Variants in VPS13B observed in about 807,000 individuals in gnomAD.
VPS13B encodes intermembrane lipid transfer protein VPS13B.
In VPS13B, 285 loss-of-function variants were observed where a neutral mutation model predicts 426.4. The observed-to-expected ratio is 0.67, with a 90% CI of 0.61 to 0.74. The LOEUF (loss-of-function observed/expected upper bound fraction) is 0.74. Ranked by LOEUF, VPS13B falls within the 30% of genes least tolerant of loss-of-function variation. The probability of loss-of-function intolerance (pLI) is 0.00; values close to 1 mark genes in which losing one functional copy is unlikely to be tolerated. For missense variants in VPS13B, 4,537 were observed against 4,782.6 expected (o/e 0.95, Z 1.51); for synonymous variants, 1,676 against 1,676.4 (o/e 1.00, Z 0.01).
chr8:99,642,760 T>A (rs1829423316), intron 34 of VPS13B, among the ~76,000 whole-genome samples: 1 of 152,246 alleles, frequency 6.6e-6, no homozygotes, highest in Non-Finnish European at 1.5e-5. Context: ...CTTTCTTGAC[T>A]ATAGAGATGC....
chr8:99,876,070 ATC>A lies in VPS13B; in HGVS notation c.*408_*409del, dbSNP rs1378028864. 1 of 215,820 alleles carries A rather than the reference ATC, an allele frequency of 4.6e-6. No individual in the cohort carries two copies. Among genetic ancestry groups the A allele is most frequent in the Non-Finnish European group, 9.1e-6 (1 of 110,086 alleles). 13.4% of individuals were successfully genotyped at this position (215,820 alleles called of 1,614,324 possible). A position where few individuals can be genotyped will look rare whatever the true frequency, so the allele number is the denominator to read the frequency against. On this transcript the variant is annotated 3_prime_UTR_variant, in exon 62 of 62. Coordinates refer to ENST00000357162, the MANE Select transcript of VPS13B (RefSeq NM_152564.5). Reference sequence around the variant, plus strand: ...TTTTTGCTCTATGACACTTGCAAAAATCTCTACTGTAATTAATTTGGGTCTAT... The same window carrying A: ...TTTTTGCTCTATGACACTTGCAAAAATCTACTGTAATTAATTTGGGTCTAT...
intron 30 of VPS13B, among the ~76,000 whole-genome samples, chr8:99,547,615 A>C (rs2133745328): frequency 6.6e-6 from 1 of 152,210 alleles, no homozygotes; most frequent in East Asian, 1.9e-4. Context: ...TCAATTTAAA[A>C]AGGAAAACAT....
At chr8:99,148,417 T>C (rs1810867597) in intron 14 of VPS13B, among the ~76,000 whole-genome samples, 1 of 151,456 alleles carries the variant, frequency 6.6e-6, no homozygotes, top group Non-Finnish European at 1.5e-5. Flanking sequence ...TTATCCATGA[T>C]GAAGTAAAAG....
intron 19 of VPS13B, among the ~76,000 whole-genome samples, chr8:99,362,301 C>T (rs1372336974): frequency 6.6e-6 from 1 of 152,002 alleles, no homozygotes; most frequent in Non-Finnish European, 1.5e-5. Context: ...GCCACCACAC[C>T]TGCTAATTTT....
intron 2 of VPS13B, among the ~76,000 whole-genome samples, chr8:99,032,932 A>C (rs1460574261): frequency 6.6e-6 from 1 of 152,104 alleles, no homozygotes; most frequent in Non-Finnish European, 1.5e-5. Flanking sequence ...TATTCCATTA[A>C]AATAGAGAAC....
chr8:99,623,994 C>CATACATATATATATATATATATAT (rs1554877591), intron 33 of VPS13B, among the ~76,000 whole-genome samples: 17 of 53,944 alleles, frequency 3.2e-4, no homozygotes, highest in Admixed American at 1.0e-3. Context: ...ATGAAACATA[C>CATACATATATATATATATATATAT]ATATATATAT....
At chr8:99,238,206 G>A (rs1816740085) in intron 17 of VPS13B, among the ~76,000 whole-genome samples, 1 of 151,854 alleles carries the variant, frequency 6.6e-6, no homozygotes, top group Admixed American at 6.6e-5. Context: ...TATATTAATT[G>A]TACACTTCTC....
intron 25 of VPS13B, among the ~76,000 whole-genome samples, chr8:99,490,500 G>A (rs1462026977): frequency 6.6e-6 from 1 of 152,128 alleles, no homozygotes; most frequent in Non-Finnish European, 1.5e-5. Flanking sequence ...TTGTACCTCT[G>A]GTAGAATTCG....
chr8:99,568,295 TA>T (rs11296691), intron 31 of VPS13B, among the ~76,000 whole-genome samples: 24,203 of 148,396 alleles, frequency 0.16, 2,388 homozygotes, highest in East Asian at 0.4. Context: ...TTATTATTAT[TA>T]TTATTTTTTT....
At chr8:99,724,877 T>G (rs1833274481) in intron 39 of VPS13B, among the ~76,000 whole-genome samples, 1 of 152,194 alleles carries the variant, frequency 6.6e-6, no homozygotes, top group South Asian at 2.1e-4. Flanking sequence ...AGACTGACCT[T>G]GAGAGCCCGG....
chr8:99,763,151 A>AAAAAAAAAAAAAAAAAAAG (rs1811029359), intron 39 of VPS13B, among the ~76,000 whole-genome samples: 1 of 150,222 alleles, frequency 6.7e-6, no homozygotes, highest in African/African-American at 2.5e-5. Flanking sequence ...AAAAAAAAAA[A>AAAAAAAAAAAAAAAAAAAG]AAAAAAAAAA....
At position 99,055,033 on chromosome 8, in the gene VPS13B, G is replaced by GT. The variant is rs775826222; in HGVS notation, c.291+16477dup. On this transcript the variant is annotated intron_variant, in intron 3 of 61. Coordinates refer to ENST00000357162, the MANE Select transcript of VPS13B (RefSeq NM_152564.5). ...AATAAGCTTCCTATTTTGTATTTCTGTTTTTTTTTTGTTTTTTTTTTTGTT... is the reference window on the plus strand; with the variant it reads ...AATAAGCTTCCTATTTTGTATTTCTGTTTTTTTTTTTGTTTTTTTTTTTGTT... 2.9e-3 allele frequency among the ~76,000 whole-genome samples: 317 copies of GT among 109,298 alleles called. 2 individuals are homozygous for GT. The highest frequency in any genetic ancestry group is 6.8e-3 in the South Asian group (17 of 2,512). The allele number at this position is 109,298 out of a possible 152,430, so 71.7% of individuals were successfully genotyped here.
At chr8:99,263,573 G>A (rs1420973645) in intron 17 of VPS13B, among the ~76,000 whole-genome samples, 1 of 152,094 alleles carries the variant, frequency 6.6e-6, no homozygotes, top group Non-Finnish European at 1.5e-5. Context: ...TCCTTGGCCT[G>A]TGACCCCCTT....
Position 99,147,849 on chromosome 8 carries a change from G to T in VPS13B, c.1852G>T (p.Asp618Tyr). 6.0e-6 allele frequency: 9 copies of T among 1,496,496 alleles called. No homozygotes were observed. The highest frequency in any genetic ancestry group is 8.0e-6 in the Non-Finnish European group (9 of 1,118,048). The allele number at this position is 1,496,496 out of a possible 1,614,324, so 92.7% of individuals were successfully genotyped here. ...PYSRLKSDIK[D>Y]ENETILNPEE... ...TATCATTTTAATTTTAGATATTAAG[G>T]ATGAAAATGAAACAATACTGAATCC... The change falls in exon 14 of 62, where the codon GAT (aspartate) becomes TAT (tyrosine). Residue 618 changes from aspartate to tyrosine, a missense_variant. Asp to Tyr is a radical substitution (Grantham distance 160). Around this residue, in one of 2 missense-constraint regions of VPS13B, gnomAD observed 4,311 missense variants for 4,474.3 expected, o/e 0.96. Transcript: ENST00000357162.
Position 99,661,343 on chromosome 8 carries a change from T to G in VPS13B, c.5909-11T>G. The G allele has an allele frequency of 6.2e-7, 1 of 1,613,516 alleles. No individual in the cohort carries two copies. Among genetic ancestry groups the G allele is most frequent in the Non-Finnish European group, 8.5e-7 (1 of 1,179,686 alleles). The stretch of plus-strand genomic sequence containing the variant: ...TAACTGATGTTTTTAATTTCAATTT[T>G]GTCACTTTAGATCCTGGGAAGACTC... On this transcript the variant is annotated splice_polypyrimidine_tract_variant and intron_variant, in intron 34 of 61. Coordinates refer to ENST00000357162, the MANE Select transcript of VPS13B (RefSeq NM_152564.5).
chr8:99,310,137 G>A (rs1053339367), intron 19 of VPS13B, among the ~76,000 whole-genome samples: 1 of 152,126 alleles, frequency 6.6e-6, no homozygotes, highest in South Asian at 2.1e-4. Flanking sequence ...AACAGGGACA[G>A]TTTGACTTCC....
chr8:99,181,832 A>C (rs991786871), intron 16 of VPS13B, among the ~76,000 whole-genome samples: 1 of 152,098 alleles, frequency 6.6e-6, no homozygotes, highest in African/African-American at 2.4e-5. Context: ...ATAAACTTCT[A>C]TAAAGCAGTT....
intron 15 of VPS13B, among the ~76,000 whole-genome samples, chr8:99,162,325 C>T (rs776769236): frequency 6.6e-6 from 1 of 152,190 alleles, no homozygotes. Flanking sequence ...CATTTTAGTC[C>T]ATATATAATT....
chr8:99,257,584 ACG>A (rs1284024025), intron 17 of VPS13B, among the ~76,000 whole-genome samples: 1 of 145,448 alleles, frequency 6.9e-6, no homozygotes, highest in African/African-American at 2.5e-5. Flanking sequence ...ACACACACAC[ACG>A]ATGTTTAAAA....
Sources: gnomAD v4.1 joint callset for allele counts (sites outside exome capture counted in the v4.1 genomes callset) on GRCh38, gnomAD v4.1.1 for gene constraint, gnomAD v4.1.1 regional missense constraint, MANE v1.5 for transcripts, NCBI Gene and HGNC (gene_info 2026-07-23, HGNC 2026-07-21) for gene names.